Variants in VPS18 observed in about 807,000 individuals in gnomAD.
The protein encoded by VPS18 is VPS18 core subunit of CORVET and HOPS complexes.
In VPS18, 25 loss-of-function variants were observed where a neutral mutation model predicts 82.0. That is an observed-to-expected ratio of 0.30 (90% CI 0.22 to 0.43). The LOEUF (loss-of-function observed/expected upper bound fraction) is 0.43. Among genes scored for constraint, VPS18 ranks in the 20% least tolerant of loss-of-function variants. VPS18 has a pLI of 1.00. For synonymous variants in VPS18, 523 were observed against 543.0 expected (o/e 0.96, Z 0.51); for missense variants, 1,168 against 1,311.1 (o/e 0.89, Z 1.69).
Position 40,900,960 on chromosome 15 carries a change from C to T in VPS18, c.2142C>T (p.Val714=). ...AGCATGGCCACCACCGCGCTTGTGTCCATGTCTACAAGGTCCTAGAGCTGT... is the reference window on the plus strand; with the variant it reads ...AGCATGGCCACCACCGCGCTTGTGTTCATGTCTACAAGGTCCTAGAGCTGT... The part of the protein sequence containing the change: ...CAEHGHHRAC[V]HVYKVLELYE... The change falls in exon 4 of 5, where the codon GTC becomes GTT. Residue 714 remains valine (V), a synonymous_variant. Coordinates refer to ENST00000220509, the MANE Select transcript of VPS18 (RefSeq NM_020857.3). The surrounding 1 kb of genome is among the most constrained non-coding windows in gnomAD (Gnocchi z 5.4). The T allele has an allele frequency of 1.2e-6, 2 of 1,611,550 alleles. No homozygotes were observed. The highest frequency in any genetic ancestry group is 2.2e-5 in the South Asian group (2 of 91,066).
At position 40,899,224 on chromosome 15, in the gene VPS18, C is replaced by T. The variant is rs1892292553; in HGVS notation, c.406C>T (p.Arg136Cys). The T allele has an allele frequency of 1.2e-6, 2 of 1,614,100 alleles. No individual in the cohort carries two copies. Residue 136 changes from arginine to cysteine, a missense_variant, in exon 4 of 5, where the codon CGC becomes TGC. By Grantham distance (180) the Arg-to-Cys change is radical. Transcript: ENST00000220509. This position sits in a 1 kb window ranked among gnomAD's most constrained non-coding sequence, Gnocchi z 4.4. ...TGGACAGAAGGTACGGCCACTAGCA[C>T]GCTGGAAGGGGCAGCTGGTGGAGAG... ...RNGQKVRPLA[R>C]WKGQLVESVG...
rs777555148 is a variant in VPS18, at chr15:40,900,889, C to T, written c.2071C>T (p.His691Tyr). The change falls in exon 4 of 5, where the codon CAC (histidine) becomes TAC (tyrosine). Residue 691 changes from histidine to tyrosine, a missense_variant. Physicochemically the swap from His to Tyr is moderately conservative, Grantham distance 83 (BLOSUM62 2). Transcript: ENST00000220509. The surrounding 1 kb of genome is among the most constrained non-coding windows in gnomAD (Gnocchi z 5.4). ...AYLEQAGASP[H>Y]RVHYDLKYAL... ...TCTGGAGCAGGCTGGGGCCAGCCCCCACCGGGTGCATTACGACCTCAAGTA... is the reference window on the plus strand; with the variant it reads ...TCTGGAGCAGGCTGGGGCCAGCCCCTACCGGGTGCATTACGACCTCAAGTA... 2 of 1,614,078 alleles carry T rather than the reference C, an allele frequency of 1.2e-6. No homozygotes were observed. Among genetic ancestry groups the T allele is most frequent in the Non-Finnish European group, 1.7e-6 (2 of 1,180,032 alleles).
chr15:40,898,971 G>A lies in VPS18; in HGVS notation c.298G>A (p.Val100Ile), dbSNP rs749263460. Residue 100 changes from valine (V) to isoleucine (I), a missense_variant, in exon 3 of 5, where the codon GTT (valine) becomes ATT (isoleucine). Transcript: ENST00000220509. The stretch of plus-strand genomic sequence containing the variant: ...GCTGGGACGTAAGGATGACGCAAAA[G>A]TTCACAAGATGTTCCTTGACCATAC... ...VELGRKDDAK[V>I]HKMFLDHTGS... is the part of the protein sequence containing the mutation. 20 of 1,614,032 alleles carry A rather than the reference G, an allele frequency of 1.2e-5. No individual in the cohort carries two copies. In the Admixed American group the frequency reaches 3.3e-4, roughly 27 times the overall value.
chr15:40,900,047 T>C lies in VPS18; in HGVS notation c.1229T>C (p.Leu410Pro), dbSNP rs752241384. The change falls in exon 4 of 5, where the codon CTG (leucine) becomes CCG (proline). Residue 410 changes from leucine (L) to proline (P), a missense_variant. By Grantham distance (98) the Leu-to-Pro change is moderately conservative. Coordinates refer to ENST00000220509, the MANE Select transcript of VPS18 (RefSeq NM_020857.3). This position sits in a 1 kb window ranked among gnomAD's most constrained non-coding sequence, Gnocchi z 5.4. ...TATCTGGACATGAACCGCTTCGATCTGGCCAAAGAGTATTGTCGAGAGCGG... is the reference window on the plus strand; with the variant it reads ...TATCTGGACATGAACCGCTTCGATCCGGCCAAAGAGTATTGTCGAGAGCGG... Reference protein sequence around the residue: ...RTYLDMNRFDLAKEYCRERPD... With the variant: ...RTYLDMNRFDPAKEYCRERPD... The C allele has an allele frequency of 1.2e-6, 2 of 1,613,894 alleles. No individual in the cohort carries two copies. Among genetic ancestry groups the C allele is most frequent in the Non-Finnish European group, 1.7e-6 (2 of 1,179,982 alleles).
rs762322331 is a variant in VPS18, at chr15:40,896,026, T to G, written c.180T>G (p.Leu60=). Residue 60 remains leucine, a synonymous_variant, in exon 2 of 5, where the codon CTT becomes CTG. Coordinates refer to ENST00000220509, the MANE Select transcript of VPS18 (RefSeq NM_020857.3). ...CCCCTTCCGAGCGCATTACCAGTCTTGTCGTCTCCAGCAATCAGCTGTGCA... is the reference window on the plus strand; with the variant it reads ...CCCCTTCCGAGCGCATTACCAGTCTGGTCGTCTCCAGCAATCAGCTGTGCA... ...DFTPSERITS[L]VVSSNQLCMS... The G allele has an allele frequency of 5.9e-5, 95 of 1,614,084 alleles. No homozygotes were observed. The Middle Eastern group carries it at 6.6e-4, about 11-fold the overall frequency.
Position 40,898,936 on chromosome 15 carries a change from A to T in VPS18, c.263A>T (p.Asn88Ile). 6.2e-7 allele frequency: 1 copy of T among 1,614,118 alleles called. No homozygotes were observed. Among genetic ancestry groups the T allele is most frequent in the Non-Finnish European group, 8.5e-7 (1 of 1,180,016 alleles). The change falls in exon 3 of 5, where the codon AAC becomes ATC. Residue 88 changes from asparagine to isoleucine, a missense_variant. Asn to Ile is a moderately radical substitution (Grantham distance 149). Transcript: ENST00000220509. Reference protein sequence around the residue: ...RIDLGKANEPNHVELGRKDDA... With the variant: ...RIDLGKANEPIHVELGRKDDA... ...GACTTGGGCAAGGCAAATGAGCCCA[A>T]CCACGTGGAGCTGGGACGTAAGGAT...
rs595559 is a variant in VPS18 at position 40,900,360 on chromosome 15, T to C, written c.1542T>C (p.Thr514=). 0.034 allele frequency: 54,806 copies of C among 1,613,398 alleles called. 2,594 individuals are homozygous for C. Among genetic ancestry groups the C allele is most frequent in the African/African-American group, 0.2 (14,665 of 74,898 alleles). ...TGCAGGGCGACCCAGAGGCCCTGAC[T>C]CTCTACCGAGAAACCAAGGAATGCT... ...GALQGDPEAL[T]LYRETKECFR... Residue 514 remains threonine, a synonymous_variant, in exon 4 of 5, where the codon ACT becomes ACC. Transcript: ENST00000220509. This position sits in a 1 kb window ranked among gnomAD's most constrained non-coding sequence, Gnocchi z 5.4.
At position 40,899,853 on chromosome 15, in the gene VPS18, A is replaced by T; in HGVS notation, c.1035A>T (p.Ala345=). 1 of 1,608,730 alleles carries T rather than the reference A, an allele frequency of 6.2e-7. No individual in the cohort carries two copies. Among genetic ancestry groups the T allele is most frequent in the East Asian group, 2.2e-5 (1 of 44,876 alleles). ...FLLLLADRVE[A]VCTLTGQVVL... is the part of the protein sequence containing the mutation. ...TGCTACTGGCAGACCGGGTGGAGGC[A>T]GTGTGCACACTGACCGGGCAGGTGG... is the stretch of plus-strand genomic sequence containing the variant. The change falls in exon 4 of 5, where the codon GCA becomes GCT. Residue 345 remains alanine, a synonymous_variant. Coordinates refer to ENST00000220509, the MANE Select transcript of VPS18 (RefSeq NM_020857.3). The surrounding 1 kb of genome is among the most constrained non-coding windows in gnomAD (Gnocchi z 4.4).
rs759248198 is a variant in VPS18, at chr15:40,900,946, C to A, written c.2128C>A (p.His710Asn). 3.1e-6 allele frequency: 5 copies of A among 1,612,530 alleles called. No homozygotes were observed. The highest frequency in any genetic ancestry group is 3.4e-6 in the Non-Finnish European group (4 of 1,180,026). Residue 710 changes from histidine (H) to asparagine (N), a missense_variant, in exon 4 of 5, where the codon CAC becomes AAC. Physicochemically the swap from His to Asn is moderately conservative, Grantham distance 68 (BLOSUM62 1). Around this residue, in one of 3 missense-constraint regions of VPS18, gnomAD observed 296 missense variants for 354.0 expected, o/e 0.84. Transcript: ENST00000220509. This position sits in a 1 kb window ranked among gnomAD's most constrained non-coding sequence, Gnocchi z 5.4. ...ALRLCAEHGHHRACVHVYKVL... is the reference protein window; with the variant it reads ...ALRLCAEHGHNRACVHVYKVL... Reference sequence around the variant, plus strand: ...GCGGCTCTGCGCCGAGCATGGCCACCACCGCGCTTGTGTCCATGTCTACAA... The same window carrying A: ...GCGGCTCTGCGCCGAGCATGGCCACAACCGCGCTTGTGTCCATGTCTACAA...
At position 40,902,908 on chromosome 15, in the gene VPS18, C is replaced by T. The variant is rs1892384733; in HGVS notation, c.2489C>T (p.Ala830Val). 6 of 1,614,250 alleles carry T rather than the reference C, an allele frequency of 3.7e-6. No individual in the cohort carries two copies. The highest frequency in any genetic ancestry group is 5.1e-6 in the Non-Finnish European group (6 of 1,180,050). ...QREMEEATAS[A>V]QRIRRDLQEL... ...GAGATGGAAGAGGCTACAGCCAGTG[C>T]CCAGCGCATCCGGCGAGACCTGCAG... The change falls in exon 5 of 5, where the codon GCC becomes GTC. Residue 830 changes from alanine (A) to valine (V), a missense_variant. Around this residue, in one of 3 missense-constraint regions of VPS18, gnomAD observed 296 missense variants for 354.0 expected, o/e 0.84. Coordinates refer to ENST00000220509, the MANE Select transcript of VPS18 (RefSeq NM_020857.3). This position sits in a 1 kb window ranked among gnomAD's most constrained non-coding sequence, Gnocchi z 4.2.
At position 40,900,026 on chromosome 15, in the gene VPS18, T is replaced by G; in HGVS notation, c.1208T>G (p.Leu403Arg). 6.2e-7 allele frequency: 1 copy of G among 1,614,004 alleles called. No individual in the cohort carries two copies. The highest frequency in any genetic ancestry group is 1.1e-5 in the South Asian group (1 of 91,086). Residue 403 changes from leucine to arginine, a missense_variant, in exon 4 of 5, where the codon CTG (leucine) becomes CGG (arginine). Leu to Arg is a moderately radical substitution (Grantham distance 102). Around this residue, in one of 3 missense-constraint regions of VPS18, gnomAD observed 868 missense variants for 939.8 expected, o/e 0.92. Transcript: ENST00000220509. The surrounding 1 kb of genome is among the most constrained non-coding windows in gnomAD (Gnocchi z 5.4). ...REARDVWRTY[L>R]DMNRFDLAKE... ...GCCCGAGATGTCTGGCGCACCTATC[T>G]GGACATGAACCGCTTCGATCTGGCC...
chr15:40,894,821 T>G lies in VPS18; in HGVS notation c.53T>G (p.Leu18Trp). The G allele has an allele frequency of 6.4e-7, 1 of 1,555,678 alleles. No homozygotes were observed. Among genetic ancestry groups the G allele is most frequent in the Non-Finnish European group, 8.7e-7 (1 of 1,149,636 alleles). ...YENSLSRSAV[L>W]QPGCPSVGIP... ...AACTCGCTGTCCCGCTCGGCCGTCT[T>G]GCAGCCCGGCTGCCCTAGCGTGGGC... The change falls in exon 1 of 5, where the codon TTG (leucine) becomes TGG (tryptophan). Residue 18 changes from leucine to tryptophan, a missense_variant. This residue lies in a region of VPS18 where 868 missense variants were observed against 939.8 expected (regional missense o/e 0.92). Transcript: ENST00000220509.
intron 2 of VPS18, among the ~76,000 whole-genome samples, chr15:40,898,116 G>A (rs1892261918): frequency 2.0e-5 from 3 of 152,074 alleles, no homozygotes. Flanking sequence ...ACAGGCGCCT[G>A]CCACCGCGCC....
Position 40,900,927 on chromosome 15 carries a change from C to T in VPS18, c.2109C>T (p.Leu703=), listed in dbSNP as rs1892346454. 4.3e-6 allele frequency: 7 copies of T among 1,613,420 alleles called. No individual in the cohort carries two copies. The highest frequency in any genetic ancestry group is 5.9e-6 in the Non-Finnish European group (7 of 1,180,024). Residue 703 remains leucine (L), a synonymous_variant, in exon 4 of 5, where the codon CTC becomes CTT. Transcript: ENST00000220509. This position sits in a 1 kb window ranked among gnomAD's most constrained non-coding sequence, Gnocchi z 5.4. ...ACGACCTCAAGTATGCGCTGCGGCT[C>T]TGCGCCGAGCATGGCCACCACCGCG... The part of the protein sequence containing the change: ...VHYDLKYALR[L]CAEHGHHRAC...
rs1316537719 is a variant in VPS18 at position 40,900,414 on chromosome 15, C to T, written c.1596C>T (p.His532=). The T allele has an allele frequency of 5.0e-6, 8 of 1,613,924 alleles. No individual in the cohort carries two copies. The Admixed American group carries it at 5.0e-5, about 10-fold the overall frequency. ...CFRTFLSSPR[H]KEWLFASRAS... ...GAACCTTCCTCAGCAGCCCCCGCCACAAAGAGTGGCTCTTTGCCAGCCGGG... is the reference window on the plus strand; with the variant it reads ...GAACCTTCCTCAGCAGCCCCCGCCATAAAGAGTGGCTCTTTGCCAGCCGGG... The change falls in exon 4 of 5, where the codon CAC becomes CAT. Residue 532 remains histidine (H), a synonymous_variant. Coordinates refer to ENST00000220509, the MANE Select transcript of VPS18 (RefSeq NM_020857.3). This position sits in a 1 kb window ranked among gnomAD's most constrained non-coding sequence, Gnocchi z 5.4.
chr15:40,902,644 C>T lies in VPS18; in HGVS notation c.2225C>T (p.Ala742Val). 1 of 1,613,946 alleles carries T rather than the reference C, an allele frequency of 6.2e-7. No individual in the cohort carries two copies. Among genetic ancestry groups the T allele is most frequent in the Non-Finnish European group, 8.5e-7 (1 of 1,179,860 alleles). ...GATGTGGACCTGGCCAAGCAGTGTG[C>T]AGACCTGCCTGAGGAGGATGAGGAA... The part of the protein sequence containing the change: ...QVDVDLAKQC[A>V]DLPEEDEELR... The change falls in exon 5 of 5, where the codon GCA becomes GTA. Residue 742 changes from alanine to valine, a missense_variant. Physicochemically the swap from Ala to Val is moderately conservative, Grantham distance 64. This residue lies in a region of VPS18 where 296 missense variants were observed against 354.0 expected (regional missense o/e 0.84). Transcript: ENST00000220509. This position sits in a 1 kb window ranked among gnomAD's most constrained non-coding sequence, Gnocchi z 4.2.
intron 4 of VPS18, 102 bp downstream of exon 4, chr15:40,901,116 C>T (rs1892350649): frequency 3.8e-6 from 5 of 1,299,618 alleles, no homozygotes; most frequent in Non-Finnish European, 5.2e-6. Flanking sequence ...GTGCTGGCTT[C>T]CCTTGCAGAG....
In VPS18 at chr15:40,899,546, G is replaced by A. The variant is rs1216463844; in HGVS notation, c.728G>A (p.Gly243Asp). The A allele has an allele frequency of 6.2e-7, 1 of 1,609,054 alleles. No homozygotes were observed. The highest frequency in any genetic ancestry group is 1.3e-5 in the African/African-American group (1 of 75,068). Residue 243 changes from glycine to aspartate, a missense_variant, in exon 4 of 5, where the codon GGT becomes GAT. Gly to Asp is a moderately conservative substitution (Grantham distance 94). Around this residue, in one of 3 missense-constraint regions of VPS18, gnomAD observed 868 missense variants for 939.8 expected, o/e 0.92. Transcript: ENST00000220509. This position sits in a 1 kb window ranked among gnomAD's most constrained non-coding sequence, Gnocchi z 4.4. The stretch of plus-strand genomic sequence containing the variant: ...GCAGCAGAGGGGGCTGAGGCCCAGG[G>A]TTTCTCAGGGCTCTTTGCAGCTTAC... The part of the protein sequence containing the change: ...GRAAEGAEAQ[G>D]FSGLFAAYTD...
rs1261840877 is a variant in VPS18 at position 40,899,573 on chromosome 15, C to T, written c.755C>T (p.Thr252Met). 1.9e-6 allele frequency: 3 copies of T among 1,608,078 alleles called. No individual in the cohort carries two copies. The highest frequency in any genetic ancestry group is 1.7e-6 in the Non-Finnish European group (2 of 1,180,004). Residue 252 changes from threonine (T) to methionine (M), a missense_variant, in exon 4 of 5, where the codon ACG (threonine) becomes ATG (methionine). Thr to Met is a moderately conservative substitution (Grantham distance 81). Around this residue, in one of 3 missense-constraint regions of VPS18, gnomAD observed 868 missense variants for 939.8 expected, o/e 0.92. Transcript: ENST00000220509. This position sits in a 1 kb window ranked among gnomAD's most constrained non-coding sequence, Gnocchi z 4.4. ...QGFSGLFAAY[T>M]DHPPPFREFP... The stretch of plus-strand genomic sequence containing the variant: ...TTCTCAGGGCTCTTTGCAGCTTACA[C>T]GGACCACCCACCCCCATTCCGTGAG...
Sources: gnomAD v4.1 joint callset for allele counts (sites outside exome capture counted in the v4.1 genomes callset) on GRCh38, gnomAD v4.1.1 for gene constraint, gnomAD v4.1.1 regional missense constraint, Gnocchi (gnomAD v3.1) non-coding constraint, MANE v1.5 for transcripts, NCBI Gene and HGNC (gene_info 2026-07-23, HGNC 2026-07-21) for gene names.